The following PRKN variants were observed in gnomAD, a reference collection of about 807,000 sequenced individuals.
PRKN encodes the protein E3 ubiquitin-protein ligase parkin.
PRKN carries 56 observed loss-of-function variants against 59.5 expected under a neutral mutation model. The ratio of observed to expected loss-of-function variants is 0.94; its 90% CI spans 0.76 to 1.18. The LOEUF (loss-of-function observed/expected upper bound fraction) is 1.18, where lower values mean the gene tolerates loss of function less well. PRKN is among the 50% of genes most tolerant of loss of function. The probability of loss-of-function intolerance (pLI) is 0.00; values close to 1 mark genes in which losing one functional copy is unlikely to be tolerated. For missense variants in PRKN, 657 were observed against 596.4 expected (o/e 1.10, Z -1.06); for synonymous variants, 250 against 222.1 (o/e 1.13, Z -1.12).
At chr6:162,721,778 T>C (rs1455911509) in intron 1 of PRKN, among the ~76,000 whole-genome samples, 1 of 152,176 alleles carries the variant, frequency 6.6e-6, no homozygotes, top group Non-Finnish European at 1.5e-5. Flanking sequence ...TGGCTGACTC[T>C]AAAGGAGGTG....
chr6:162,715,745 T>C (rs562035076), intron 1 of PRKN, among the ~76,000 whole-genome samples: 1 of 152,286 alleles, frequency 6.6e-6, no homozygotes, highest in Admixed American at 6.5e-5. Context: ...CCTGACACCC[T>C]AATCTATCAT....
At chr6:162,345,908 G>T (rs1003400453) in intron 2 of PRKN, among the ~76,000 whole-genome samples, 1 of 152,070 alleles carries the variant, frequency 6.6e-6, no homozygotes, top group African/African-American at 2.4e-5. Context: ...TTGGAGGTGG[G>T]GCCTTTGGGA....
chr6:162,429,406 C>T (rs1467749475), intron 2 of PRKN, among the ~76,000 whole-genome samples: 1 of 152,154 alleles, frequency 6.6e-6, no homozygotes, highest in Non-Finnish European at 1.5e-5. Flanking sequence ...GCTTGATCAG[C>T]TAGAGCAGTG....
At chr6:161,769,978 A>G (rs1789595816) in intron 7 of PRKN, among the ~76,000 whole-genome samples, 1 of 152,224 alleles carries the variant, frequency 6.6e-6, no homozygotes, top group African/African-American at 2.4e-5. Context: ...TGGGAGAGCC[A>G]GGGACTGAGA....
intron 4 of PRKN, 29 bp from the exon 5 acceptor site, chr6:162,054,203 A>C: frequency 7.7e-7 from 1 of 1,293,838 alleles, no homozygotes. Flanking sequence ...ATATATGCTT[A>C]TATGAGTTAT....
At position 161,362,250 on chromosome 6, in the gene PRKN, C is replaced by T. The variant is rs1456102656; in HGVS notation, c.1168-2045G>A. Among the ~76,000 whole-genome samples the T allele has an allele frequency of 2.0e-5, 3 of 152,184 alleles. No homozygotes were observed. The highest frequency in any genetic ancestry group is 2.9e-5 in the Non-Finnish European group (2 of 68,030). On this transcript the variant is annotated intron_variant, in intron 10 of 11. Transcript: ENST00000366898. The surrounding 1 kb of genome is among the most constrained non-coding windows in gnomAD (Gnocchi z 5.2). Reference sequence around the variant, plus strand: ...AATATGGAAAAAAATCTTTTTTAAACGTACGGCTGATAGGGTGGGAAGGCA... The same window carrying T: ...AATATGGAAAAAAATCTTTTTTAAATGTACGGCTGATAGGGTGGGAAGGCA...
At chr6:161,945,487 T>C (rs1779744828) in intron 6 of PRKN, among the ~76,000 whole-genome samples, 1 of 152,180 alleles carries the variant, frequency 6.6e-6, no homozygotes, top group Non-Finnish European at 1.5e-5. Context: ...GTTGGGAAAA[T>C]TATCATTCTG....
chr6:162,246,282 C>A (rs1321404452), intron 3 of PRKN, among the ~76,000 whole-genome samples: 2 of 152,160 alleles, frequency 1.3e-5, no homozygotes, highest in East Asian at 3.9e-4. Flanking sequence ...ACACACCAGA[C>A]AAGAGGGTAT....
chr6:161,680,746 TATATATATATATATATATA>T (rs1785295514), intron 7 of PRKN, among the ~76,000 whole-genome samples: 2 of 8,582 alleles, frequency 2.3e-4, no homozygotes, highest in African/African-American at 2.8e-4. Flanking sequence ...TATATATATA[TATATATATATATATATATA>T]TATATATATA....
chr6:162,485,943 C>T (rs914004632), intron 1 of PRKN, among the ~76,000 whole-genome samples: 3 of 152,200 alleles, frequency 2.0e-5, no homozygotes, highest in African/African-American at 4.8e-5. Flanking sequence ...GCCTGTTTTA[C>T]GTCAAATGAT....
chr6:161,614,969 G>C (rs1342063490), intron 7 of PRKN, among the ~76,000 whole-genome samples: 1 of 24,946 alleles, frequency 4.0e-5, no homozygotes, highest in Non-Finnish European at 8.7e-5. Flanking sequence ...AAGACAGAGA[G>C]AGAGAGAGAG....
rs186556111 is a variant in PRKN at position 162,010,873 on chromosome 6, A to T, written c.619-37456T>A. Among the ~76,000 whole-genome samples the T allele has an allele frequency of 3.7e-3, 22 of 5,920 alleles. 6 individuals are homozygous for T. In the African/African-American group the frequency reaches 0.059, roughly 16 times the overall value. 3.9% of individuals were successfully genotyped at this position (5,920 alleles called of 152,430 possible). A position where few individuals can be genotyped will look rare whatever the true frequency, so the allele number is the denominator to read the frequency against. ...ATATTAATATATATAATATATTATA[A>T]AATATATTATATAATATATTATATA... On this transcript the variant is annotated intron_variant, in intron 5 of 11. Coordinates refer to ENST00000366898, the MANE Select transcript of PRKN (RefSeq NM_004562.3).
intron 2 of PRKN, among the ~76,000 whole-genome samples, chr6:162,302,376 C>A (rs977437256): frequency 3.3e-5 from 5 of 151,956 alleles, no homozygotes; most frequent in Admixed American, 6.5e-5. Context: ...CTAAGTTAGA[C>A]TTAACCTAAT....
chr6:162,076,219 T>C (rs929619543), intron 4 of PRKN, among the ~76,000 whole-genome samples: 12 of 152,098 alleles, frequency 7.9e-5, no homozygotes, highest in African/African-American at 2.9e-4. Context: ...TCCCCCAGCA[T>C]TGGCCTCCCA....
intron 4 of PRKN, among the ~76,000 whole-genome samples, chr6:162,158,525 G>A (rs1382562326): frequency 2.6e-5 from 4 of 151,250 alleles, no homozygotes; most frequent in South Asian, 2.1e-4. Context: ...TCCGCCTCCC[G>A]GGTTTAAGCA....
chr6:162,612,095 A>C (rs1782201086), intron 1 of PRKN, among the ~76,000 whole-genome samples: 1 of 147,204 alleles, frequency 6.8e-6, no homozygotes, highest in Non-Finnish European at 1.5e-5. Context: ...CGGGAGGCTG[A>C]GGCAGGAGAA....
rs1432751228 is a variant in PRKN at position 161,354,972 on chromosome 6, C to G, written c.1286-4761G>C. ...GGAGGCTGCCAGCATGTTCTGAGTC[C>G]AGGGCAGATCCGATGAATAATTTTC... On this transcript the variant is annotated intron_variant, in intron 11 of 11. Coordinates refer to ENST00000366898, the MANE Select transcript of PRKN (RefSeq NM_004562.3). This position sits in a 1 kb window ranked among gnomAD's most constrained non-coding sequence, Gnocchi z 6.7. Among the ~76,000 whole-genome samples, 1 of 152,208 alleles carries G rather than the reference C, an allele frequency of 6.6e-6. No individual in the cohort carries two copies. Among genetic ancestry groups the G allele is most frequent in the South Asian group, 2.1e-4 (1 of 4,834 alleles).
At chr6:161,943,899 T>C (rs73024576) in intron 6 of PRKN, among the ~76,000 whole-genome samples, 74,549 of 126,170 alleles carry the variant, frequency 0.59, 20,785 homozygotes, top group Middle Eastern at 0.71. Context: ...GGCCTGAGGA[T>C]GCAGCCTGAG....
At chr6:162,582,753 A>G (rs1045880346) in intron 1 of PRKN, among the ~76,000 whole-genome samples, 1 of 152,164 alleles carries the variant, frequency 6.6e-6, no homozygotes, top group Non-Finnish European at 1.5e-5. Context: ...TCTCTAAAAA[A>G]CTTATTGGCT....
Sources: allele counts gnomAD v4.1 joint callset (sites outside exome capture counted in the v4.1 genomes callset), GRCh38; gene constraint gnomAD v4.1.1; non-coding constraint Gnocchi (gnomAD v3.1); transcripts MANE v1.5; gene names NCBI Gene and HGNC (gene_info 2026-07-23, HGNC 2026-07-21).